The following CHRM3 variants were observed in gnomAD, a reference collection of about 807,000 sequenced individuals.
CHRM3 encodes muscarinic acetylcholine receptor M3.
In CHRM3, 11 loss-of-function variants were observed where a neutral mutation model predicts 41.8. The ratio of observed to expected loss-of-function variants is 0.26; its 90% CI spans 0.17 to 0.44. The LOEUF (loss-of-function observed/expected upper bound fraction) is 0.44. Among genes scored for constraint, CHRM3 ranks in the 20% least tolerant of loss-of-function variants. The pLI is 1.00. For synonymous variants in CHRM3, 297 were observed against 301.4 expected, an observed-to-expected ratio of 0.99 and a Z score of 0.15; for missense variants, 571 against 745.4, an observed-to-expected ratio of 0.77 and a Z score of 2.72.
At chr1:239,632,996 G>A (rs185880235) in intron 4 of CHRM3, among the ~76,000 whole-genome samples, 262 of 152,304 alleles carry the variant, frequency 1.7e-3, no homozygotes, top group Non-Finnish European at 2.4e-3. Flanking sequence ...TTTTTGAGAC[G>A]GAGTCTCGCT....
intron 6 of CHRM3, chr1:239,898,480 C>G (rs897029896): frequency 6.6e-6 from 1 of 152,172 alleles, no homozygotes; most frequent in Non-Finnish European, 1.5e-5. Flanking sequence ...ATGACGCAGA[C>G]TGGATTACAA....
In CHRM3 at chr1:239,909,137, G is replaced by T. The variant is rs777733410; in HGVS notation, c.1686G>T (p.Gln562His). 14 of 1,614,054 alleles carry T rather than the reference G, an allele frequency of 8.7e-6. No homozygotes were observed. The highest frequency in any genetic ancestry group is 1.2e-5 in the Non-Finnish European group (14 of 1,180,014). The change falls in exon 7 of 7, where the codon CAG (glutamine) becomes CAT (histidine). Residue 562 changes from glutamine to histidine, a missense_variant. Coordinates refer to ENST00000676153, the MANE Select transcript of CHRM3 (RefSeq NM_001375978.1). ...RTTFKMLLLC[Q>H]CDKKKRRKQQ... is the part of the protein sequence containing the mutation. ...CTTTCAAGATGCTGCTGCTGTGCCA[G>T]TGTGACAAAAAAAAGAGGCGCAAGC...
intron 2 of CHRM3, among the ~76,000 whole-genome samples, chr1:239,513,485 A>G (rs1669060441): frequency 6.6e-6 from 1 of 152,116 alleles, no homozygotes; most frequent in Non-Finnish European, 1.5e-5. Context: ...TTATTTTCTT[A>G]TAGTTGAATT....
intron 5 of CHRM3, among the ~76,000 whole-genome samples, chr1:239,785,266 A>ACTCT (rs1240767193): frequency 6.6e-6 from 1 of 151,980 alleles, no homozygotes; most frequent in Non-Finnish European, 1.5e-5. Context: ...TTGTAGATAA[A>ACTCT]CTCTCTGTGA....
At chr1:239,730,089 C>T (rs763998683) in intron 5 of CHRM3, among the ~76,000 whole-genome samples, 1 of 151,850 alleles carries the variant, frequency 6.6e-6, no homozygotes, top group Non-Finnish European at 1.5e-5. Flanking sequence ...AATACCACTC[C>T]TATCAATAAA....
At chr1:239,520,378 G>A (rs1032278893) in intron 2 of CHRM3, among the ~76,000 whole-genome samples, 19 of 152,098 alleles carry the variant, frequency 1.2e-4, no homozygotes, top group Non-Finnish European at 8.8e-5. Flanking sequence ...CTCATGAATC[G>A]TTTGGCACCA....
chr1:239,710,778 C>T (rs1661696917), intron 5 of CHRM3, among the ~76,000 whole-genome samples: 1 of 151,720 alleles, frequency 6.6e-6, no homozygotes, highest in Non-Finnish European at 1.5e-5. Flanking sequence ...GCTTTAAGGC[C>T]TTAATAAATA....
At chr1:239,575,528 ATGTT>A (rs1160626225) in intron 3 of CHRM3, among the ~76,000 whole-genome samples, 1 of 152,152 alleles carries the variant, frequency 6.6e-6, no homozygotes, top group Non-Finnish European at 1.5e-5. Flanking sequence ...ATAGGGGTTC[ATGTT>A]TTCTCCTAGG....
intron 4 of CHRM3, among the ~76,000 whole-genome samples, chr1:239,638,470 TG>T (rs1670730551): frequency 6.6e-6 from 1 of 152,182 alleles, no homozygotes; most frequent in African/African-American, 2.4e-5. Flanking sequence ...TGGTGTGAGA[TG>T]TTATCTCATT....
intron 6 of CHRM3, among the ~76,000 whole-genome samples, chr1:239,860,070 T>C (rs1010072887): frequency 6.6e-6 from 1 of 151,972 alleles, no homozygotes; most frequent in African/African-American, 2.4e-5. Flanking sequence ...ATTCTCTAAA[T>C]TGTATGCAGC....
At chr1:239,743,645 C>A (rs778512484) in intron 5 of CHRM3, among the ~76,000 whole-genome samples, 26 of 152,076 alleles carry the variant, frequency 1.7e-4, no homozygotes, top group Admixed American at 4.6e-4. Context: ...GTCACAGATC[C>A]AGTATGTGTG....
intron 4 of CHRM3, among the ~76,000 whole-genome samples, chr1:239,656,267 G>A (rs188258979): frequency 1.6e-4 from 25 of 152,044 alleles, no homozygotes; most frequent in African/African-American, 5.3e-4. Context: ...CAAGATACTC[G>A]TGTAATAAAC....
chr1:239,557,433 G>A lies in CHRM3; in HGVS notation c.-313+11684G>A, dbSNP rs1160989396. Among the ~76,000 whole-genome samples the A allele has an allele frequency of 2.0e-5, 3 of 152,208 alleles. No homozygotes were observed. The East Asian group carries it at 5.8e-4, about 29-fold the overall frequency. On this transcript the variant is annotated intron_variant, in intron 3 of 6. Transcript: ENST00000676153. The stretch of plus-strand genomic sequence containing the variant: ...CACACCTCTGAGTATTTTATTCTCT[G>A]TGTAAATGTCTCTCCCTTTGCCTCA...
rs189009768 is a variant in CHRM3, at chr1:239,436,370, G to A, written c.-521+49143G>A. 5.6e-3 allele frequency among the ~76,000 whole-genome samples: 858 copies of A among 152,260 alleles called. 35 individuals carry two copies. Among genetic ancestry groups the A allele is most frequent in the Admixed American group, 0.054 (823 of 15,304 alleles). The stretch of plus-strand genomic sequence containing the variant: ...GAGTGTCGCAGAGCAGAGGCTGCAG[G>A]GCTGATGCTGTTCTCCTCACAGTGG... On this transcript the variant is annotated intron_variant, in intron 1 of 6. Coordinates refer to ENST00000676153, the MANE Select transcript of CHRM3 (RefSeq NM_001375978.1).
At chr1:239,426,367 A>G (rs933386038) in intron 1 of CHRM3, among the ~76,000 whole-genome samples, 5 of 150,738 alleles carry the variant, frequency 3.3e-5, no homozygotes, top group East Asian at 2.0e-4. Context: ...ATTTTTCACC[A>G]TGGAAATTGG....
chr1:239,562,574 G>GATT (rs1451964041), intron 3 of CHRM3, among the ~76,000 whole-genome samples: 3 of 151,988 alleles, frequency 2.0e-5, no homozygotes, highest in Non-Finnish European at 4.4e-5. Context: ...TGATGATGAT[G>GATT]ATGATTATTA....
intron 5 of CHRM3, among the ~76,000 whole-genome samples, chr1:239,805,510 A>G (rs1558137911): frequency 6.6e-6 from 1 of 152,170 alleles, no homozygotes; most frequent in Non-Finnish European, 1.5e-5. Flanking sequence ...AGGGGACAAT[A>G]GAAGTAGCTA....
rs577138102 is a variant in CHRM3, at chr1:239,387,636, A to G, written c.-521+409A>G. ...CCAAAGTGCCCGAGCATGAGGAGCTACTGGGCTCCGGGTGTGTTTGTGAGC... is the reference window on the plus strand; with the variant it reads ...CCAAAGTGCCCGAGCATGAGGAGCTGCTGGGCTCCGGGTGTGTTTGTGAGC... On this transcript the variant is annotated intron_variant, in intron 1 of 6. Coordinates refer to ENST00000676153, the MANE Select transcript of CHRM3 (RefSeq NM_001375978.1). This position sits in a 1 kb window ranked among gnomAD's most constrained non-coding sequence, Gnocchi z 5.1. Among the ~76,000 whole-genome samples the G allele has an allele frequency of 6.6e-6, 1 of 152,226 alleles. No homozygotes were observed. The highest frequency in any genetic ancestry group is 2.1e-4 in the South Asian group (1 of 4,814).
chr1:239,733,388 A>G (rs531970388), intron 5 of CHRM3, among the ~76,000 whole-genome samples: 10 of 152,178 alleles, frequency 6.6e-5, no homozygotes, highest in African/African-American at 2.4e-4. Context: ...TGTCTCAAAG[A>G]CTTATGAACG....
Sources: allele counts gnomAD v4.1 joint callset (sites outside exome capture counted in the v4.1 genomes callset), GRCh38; gene constraint gnomAD v4.1.1; non-coding constraint Gnocchi (gnomAD v3.1); transcripts MANE v1.5; gene names NCBI Gene and HGNC (gene_info 2026-07-23, HGNC 2026-07-21).